Variants in UTRN observed in about 807,000 individuals in gnomAD.
The protein encoded by UTRN is utrophin.
UTRN carries 283 observed loss-of-function variants against 463.9 expected under a neutral mutation model. That is an observed-to-expected ratio of 0.61 (90% confidence interval 0.55 to 0.67). The LOEUF (loss-of-function observed/expected upper bound fraction) is 0.67. Ranked by LOEUF, UTRN falls within the 30% of genes least tolerant of loss-of-function variation. The pLI is 0.00. For synonymous variants in UTRN, 1,442 were observed against 1,431.5 expected, an observed-to-expected ratio of 1.01 and a Z score of -0.17; for missense variants, 3,922 against 4,084.3, an observed-to-expected ratio of 0.96 and a Z score of 1.08.
intron 52 of UTRN, among the ~76,000 whole-genome samples, chr6:144,683,048 GTGTGCTCAA>G (rs1385026384): frequency 6.6e-6 from 1 of 152,080 alleles, no homozygotes; most frequent in Non-Finnish European, 1.5e-5. Context: ...ATGAAACAAA[GTGTGCTCAA>G]GGGGCATTCA....
chr6:144,462,369 C>T (rs1387031499), intron 22 of UTRN, among the ~76,000 whole-genome samples: 1 of 152,106 alleles, frequency 6.6e-6, no homozygotes, highest in African/African-American at 2.4e-5. Context: ...CTGCAATGAA[C>T]ATAGTGTGCA....
chr6:144,423,689 C>T (rs1477936557), intron 5 of UTRN, 63 bp downstream of exon 5: 32 of 1,558,780 alleles, frequency 2.1e-5, no homozygotes, highest in African/African-American at 2.7e-5. Context: ...TTGTGAAACT[C>T]ACCAACTGCT....
chr6:144,447,528 A>T, intron 15 of UTRN, 74 bp from the exon 16 acceptor site: 1 of 1,545,234 alleles, frequency 6.5e-7, no homozygotes, highest in South Asian at 1.2e-5. Flanking sequence ...ATACATGTTT[A>T]AAATTTTTGG....
At chr6:144,780,359 T>G (rs1488482913) in intron 60 of UTRN, among the ~76,000 whole-genome samples, 1 of 152,146 alleles carries the variant, frequency 6.6e-6, no homozygotes, top group Non-Finnish European at 1.5e-5. Flanking sequence ...CCTCTTATTT[T>G]TTTAATGCCA....
intron 2 of UTRN, among the ~76,000 whole-genome samples, chr6:144,337,336 C>A (rs1020809936): frequency 2.0e-5 from 3 of 152,174 alleles, no homozygotes; most frequent in African/African-American, 4.8e-5. Context: ...CCTATTACTA[C>A]CTCTCTTTAC....
Position 144,539,296 on chromosome 6 carries a change from C to T in UTRN, c.6372C>T (p.Asp2124=). ...CACCTATCTTTTAACTTCTCCAGGA[C>T]TTAACTCAAGAAATGGAAGTACATG... ...ELGENLQELR[D]LTQEMEVHAE... The change falls in exon 45 of 75, where the codon GAC becomes GAT. Residue 2124 remains aspartate (D), a splice_region_variant and synonymous_variant. Transcript: ENST00000367545. 6.2e-7 allele frequency: 1 copy of T among 1,609,674 alleles called. No individual in the cohort carries two copies. The highest frequency in any genetic ancestry group is 1.3e-5 in the African/African-American group (1 of 74,862).
At chr6:144,515,947 C>T (rs554642342) in intron 37 of UTRN, among the ~76,000 whole-genome samples, 2 of 152,230 alleles carry the variant, frequency 1.3e-5, no homozygotes, top group Admixed American at 6.5e-5. Flanking sequence ...CTGCTATGCT[C>T]GCATGTGGTC....
intron 74 of UTRN, among the ~76,000 whole-genome samples, chr6:144,849,209 G>A (rs1782279380): frequency 6.6e-6 from 1 of 152,134 alleles, no homozygotes; most frequent in African/African-American, 2.4e-5. Context: ...ACAAAAAGGG[G>A]TATGCAGATC....
At chr6:144,731,685 T>C (rs900783354) in intron 54 of UTRN, among the ~76,000 whole-genome samples, 3 of 152,090 alleles carry the variant, frequency 2.0e-5, no homozygotes, top group African/African-American at 7.2e-5. Context: ...TGTGTGTGTA[T>C]ATACACACAT....
intron 51 of UTRN, among the ~76,000 whole-genome samples, chr6:144,665,116 A>G (rs984758162): frequency 6.6e-6 from 1 of 152,158 alleles, no homozygotes; most frequent in Non-Finnish European, 1.5e-5. Context: ...GAACTCCTTC[A>G]GAAAAAAACA....
intron 48 of UTRN, 30 bp from the exon 49 acceptor site, chr6:144,554,658 T>TA: frequency 6.4e-7 from 1 of 1,551,016 alleles, no homozygotes; most frequent in Non-Finnish European, 8.7e-7. Flanking sequence ...CATGTTGGGA[T>TA]TTTTTTTTCT....
intron 2 of UTRN, among the ~76,000 whole-genome samples, chr6:144,297,923 A>C (rs1018773201): frequency 6.6e-6 from 1 of 152,206 alleles, no homozygotes; most frequent in Non-Finnish European, 1.5e-5. Context: ...ATATAGACAG[A>C]ACAGAGAACT....
At chr6:144,332,398 T>G (rs1776401151) in intron 2 of UTRN, among the ~76,000 whole-genome samples, 1 of 152,192 alleles carries the variant, frequency 6.6e-6, no homozygotes, top group South Asian at 2.1e-4. Context: ...GCGGAGTCAC[T>G]TAAAAGAACA....
intron 41 of UTRN, among the ~76,000 whole-genome samples, chr6:144,527,315 G>A (rs1296252651): frequency 6.6e-6 from 1 of 152,208 alleles, no homozygotes; most frequent in Non-Finnish European, 1.5e-5. Flanking sequence ...GGAGGCTGAA[G>A]ATAGGACCCC....
In UTRN at chr6:144,714,902, G is replaced by A. The variant is rs76043118; in HGVS notation, c.7809+14659G>A. The stretch of plus-strand genomic sequence containing the variant: ...GACTCTACTTGACTTCTAGAACACC[G>A]CACTCTCCTGATGTTTTTCTTACGT... On this transcript the variant is annotated intron_variant, in intron 53 of 74. Coordinates refer to ENST00000367545, the MANE Select transcript of UTRN (RefSeq NM_007124.3). Among the ~76,000 whole-genome samples, 507 of 151,396 alleles carry A rather than the reference G, an allele frequency of 3.3e-3. 3 individuals are homozygous for A. The highest frequency in any genetic ancestry group is 0.012 in the African/African-American group (492 of 40,894).
chr6:144,328,794 T>G (rs1411435944), intron 2 of UTRN, among the ~76,000 whole-genome samples: 1 of 151,724 alleles, frequency 6.6e-6, no homozygotes, highest in Non-Finnish European at 1.5e-5. Flanking sequence ...CCAGACAAAT[T>G]TTTTTTTGAG....
At position 144,339,571 on chromosome 6, in the gene UTRN, C is replaced by A. The variant is rs75025494; in HGVS notation, c.79+47664C>A. On this transcript the variant is annotated intron_variant, in intron 2 of 74. Transcript: ENST00000367545. ...TGTACTCTTTTCTTTTTTTTTTAACCACTTCTTTTATAAGTCTAAAATTAT... is the reference window on the plus strand; with the variant it reads ...TGTACTCTTTTCTTTTTTTTTTAACAACTTCTTTTATAAGTCTAAAATTAT... Among the ~76,000 whole-genome samples, 1,133 of 151,164 alleles carry A rather than the reference C, an allele frequency of 7.5e-3. 58 individuals are homozygous for A. The East Asian group carries it at 0.14, about 19-fold the overall frequency.
intron 43 of UTRN, among the ~76,000 whole-genome samples, chr6:144,534,255 T>G (rs1797332328): frequency 6.6e-6 from 1 of 152,214 alleles, no homozygotes. Flanking sequence ...TCTGGCACCT[T>G]GCACACATTG....
At chr6:144,632,456 T>G (rs1776628149) in intron 51 of UTRN, among the ~76,000 whole-genome samples, 1 of 152,068 alleles carries the variant, frequency 6.6e-6, no homozygotes, top group Non-Finnish European at 1.5e-5. Flanking sequence ...TTTTTCTACT[T>G]TTTTTTCCTG....
Sources: allele counts gnomAD v4.1 joint callset (sites outside exome capture counted in the v4.1 genomes callset), GRCh38; gene constraint gnomAD v4.1.1; transcripts MANE v1.5; gene names NCBI Gene and HGNC (gene_info 2026-07-23, HGNC 2026-07-21).